SPMIP11: variants seen among roughly 807,000 people sequenced by gnomAD.
The protein encoded by SPMIP11 is sperm microtubule inner protein 11, also known as long intergenic non-protein coding RNA 935.
chr12:48,752,902 C>A, the SPMIP11 span, among the ~76,000 whole-genome samples: 1 of 152,054 alleles, frequency 6.6e-6, no homozygotes, highest in African/African-American at 2.4e-5. Flanking sequence ...GAACTATCGA[C>A]CTCAGGTGAT....
chr12:48,761,719 CTTTTTTTTTTTTT>C, the SPMIP11 span, among the ~76,000 whole-genome samples: 16 of 95,244 alleles, frequency 1.7e-4, no homozygotes, highest in Non-Finnish European at 3.1e-4. Context: ...ATATAACATT[CTTTTTTTTTTTTT>C]TTTTTTTTTT....
chr12:48,756,767 T>TTTC, the SPMIP11 span, among the ~76,000 whole-genome samples: 5 of 124,410 alleles, frequency 4.0e-5, no homozygotes, highest in Admixed American at 3.1e-4. Flanking sequence ...ATGGATTTTT[T>TTTC]TTTCTTTTTT....
At chr12:48,738,597 C>T in the SPMIP11 span, among the ~76,000 whole-genome samples, 37 of 151,164 alleles carry the variant, frequency 2.4e-4, no homozygotes, top group Non-Finnish European at 5.0e-4. Flanking sequence ...TCCAGTGGCG[C>T]GATCTTGGCT....
At chr12:48,761,233 G>A in the SPMIP11 span, among the ~76,000 whole-genome samples, 1 of 151,936 alleles carries the variant, frequency 6.6e-6, no homozygotes, top group Non-Finnish European at 1.5e-5. Context: ...GATCACTTGA[G>A]GTCAGGAGTT....
chr12:48,744,709 G>A, the SPMIP11 span, among the ~76,000 whole-genome samples: 2 of 149,724 alleles, frequency 1.3e-5, no homozygotes, highest in Admixed American at 6.8e-5. Flanking sequence ...ACAAGAGTGA[G>A]ATTCCATCTC....
chr12:48,731,407 C>T, the SPMIP11 span, among the ~76,000 whole-genome samples: 1 of 151,910 alleles, frequency 6.6e-6, no homozygotes, highest in African/African-American at 2.4e-5. Context: ...AGGAGAATGG[C>T]GTGAACCCGG....
At chr12:48,763,241 C>T in the SPMIP11 span, among the ~76,000 whole-genome samples, 2 of 152,182 alleles carry the variant, frequency 1.3e-5, no homozygotes, top group Non-Finnish European at 2.9e-5. Flanking sequence ...ACAATCATGG[C>T]TCACTGCAGC....
the SPMIP11 span, among the ~76,000 whole-genome samples, chr12:48,737,280 C>T: frequency 6.6e-6 from 1 of 151,594 alleles, no homozygotes; most frequent in African/African-American, 2.4e-5. Flanking sequence ...CTTTTTGATC[C>T]GTAGTATTCT....
At chr12:48,758,971 T>C in the SPMIP11 span, among the ~76,000 whole-genome samples, 1 of 152,230 alleles carries the variant, frequency 6.6e-6, no homozygotes, top group African/African-American at 2.4e-5. Flanking sequence ...AGTTGGCCTC[T>C]TAAAATCCAG....
the SPMIP11 span, among the ~76,000 whole-genome samples, chr12:48,730,276 A>G: frequency 6.6e-6 from 1 of 152,152 alleles, no homozygotes; most frequent in Non-Finnish European, 1.5e-5. Flanking sequence ...GTATCCCGAT[A>G]TCATCTACTA....
the SPMIP11 span, chr12:48,764,961 C>G: frequency 2.8e-6 from 2 of 702,892 alleles, no homozygotes; most frequent in South Asian, 1.5e-5. Context: ...GATCCGGAGC[C>G]CACGCCATTG....
the SPMIP11 span, among the ~76,000 whole-genome samples, chr12:48,743,131 C>T: frequency 6.6e-6 from 1 of 151,868 alleles, no homozygotes; most frequent in Non-Finnish European, 1.5e-5. Context: ...GGCGTGGTGG[C>T]TCATGCCTGT....
At chr12:48,730,430 C>T in the SPMIP11 span, among the ~76,000 whole-genome samples, 1 of 152,092 alleles carries the variant, frequency 6.6e-6, no homozygotes, top group Admixed American at 6.6e-5. Flanking sequence ...AATTTTATAC[C>T]CTCCAGTTAC....
At chr12:48,733,022 C>T in the SPMIP11 span, among the ~76,000 whole-genome samples, 5 of 149,036 alleles carry the variant, frequency 3.4e-5, no homozygotes, top group African/African-American at 1.2e-4. Flanking sequence ...AAAACTCCAT[C>T]TCAAAAAAGA....
At chr12:48,735,354 T>C in the SPMIP11 span, among the ~76,000 whole-genome samples, 2 of 152,214 alleles carry the variant, frequency 1.3e-5, no homozygotes, top group Admixed American at 1.3e-4. Context: ...ACACCTGTAA[T>C]CCCAACTCTT....
chr12:48,733,761 A>ATT, the SPMIP11 span, among the ~76,000 whole-genome samples: 1 of 115,666 alleles, frequency 8.6e-6, no homozygotes. Context: ...GTAAATGCAG[A>ATT]TTCTTTTTTT....
chr12:48,734,084 A>ATATT, the SPMIP11 span, among the ~76,000 whole-genome samples: 1 of 150,404 alleles, frequency 6.6e-6, no homozygotes, highest in African/African-American at 2.4e-5. Context: ...TATGTGATGT[A>ATATT]TATTTATTTA....
chr12:48,727,485 C>G, the SPMIP11 span: 2 of 702,950 alleles, frequency 2.8e-6, no homozygotes, highest in Non-Finnish European at 2.6e-6. Context: ...TCTGAGATGG[C>G]CTTCTTCAAC....
chr12:48,749,035 G>T, the SPMIP11 span, among the ~76,000 whole-genome samples: 3 of 152,134 alleles, frequency 2.0e-5, no homozygotes, highest in African/African-American at 7.2e-5. Context: ...GCCAAGGCGG[G>T]TGGATCACTT....
Sources: allele counts gnomAD v4.1 joint callset (sites outside exome capture counted in the v4.1 genomes callset), GRCh38; gene constraint gnomAD v4.1.1; transcripts MANE v1.5; gene names NCBI Gene and HGNC (gene_info 2026-07-23, HGNC 2026-07-21).